Variants in PATJ observed in about 807,000 individuals in gnomAD.
PATJ encodes inaD-like protein.
Under a neutral mutation model 224.9 loss-of-function variants are expected in PATJ, and 190 were observed. The observed-to-expected ratio is 0.84, with a 90% CI of 0.75 to 0.95. The LOEUF is 0.95. Among genes scored for constraint, PATJ ranks in the 40% least tolerant of loss-of-function variants. The probability of loss-of-function intolerance (pLI) is 0.00; values close to 1 mark genes in which losing one functional copy is unlikely to be tolerated. For synonymous variants in PATJ, 769 were observed against 820.3 expected (o/e 0.94, Z 1.07); for missense variants, 2,121 against 2,270.3 (o/e 0.93, Z 1.34).
chr1:61,891,901 C>T (rs1194706104), intron 22 of PATJ, among the ~76,000 whole-genome samples: 2 of 152,206 alleles, frequency 1.3e-5, no homozygotes, highest in Non-Finnish European at 2.9e-5. Flanking sequence ...GTGTGTCTTG[C>T]ACCAGGCAAC....
At chr1:61,854,729 A>T (rs1663376936) in intron 17 of PATJ, among the ~76,000 whole-genome samples, 1 of 152,246 alleles carries the variant, frequency 6.6e-6, no homozygotes, top group Non-Finnish European at 1.5e-5. Flanking sequence ...TAAGGATTAG[A>T]TAAGTTAGTG....
chr1:61,766,126 G>T (rs1037899164), intron 3 of PATJ, among the ~76,000 whole-genome samples, 153 bp from the exon 4 acceptor site: 2 of 152,126 alleles, frequency 1.3e-5, no homozygotes, highest in Non-Finnish European at 2.9e-5. Context: ...TTTTAGCCTT[G>T]TGAATACACA....
intron 32 of PATJ, among the ~76,000 whole-genome samples, chr1:62,082,459 C>T (rs1314671484): frequency 6.6e-6 from 1 of 152,144 alleles, no homozygotes; most frequent in Non-Finnish European, 1.5e-5. Context: ...CTGTGCCACT[C>T]CAAAACCTGT....
chr1:61,743,984 AT>A (rs1017682780), intron 1 of PATJ, among the ~76,000 whole-genome samples: 3 of 152,162 alleles, frequency 2.0e-5, no homozygotes, highest in African/African-American at 7.2e-5. Context: ...AGAGTTGGCC[AT>A]TGTTGAAGAT....
intron 1 of PATJ, among the ~76,000 whole-genome samples, chr1:61,746,233 C>T (rs1438491632): frequency 1.3e-5 from 2 of 152,164 alleles, no homozygotes; most frequent in Non-Finnish European, 2.9e-5. Flanking sequence ...TGAGCCATCA[C>T]GCCTGGCCTC....
chr1:62,099,330 G>A (rs1439760256), intron 33 of PATJ, among the ~76,000 whole-genome samples: 1 of 81,142 alleles, frequency 1.2e-5, no homozygotes, highest in African/African-American at 5.2e-5. Context: ...CTATTTTTTT[G>A]TATACAATAT....
chr1:61,922,668 T>G (rs1674502742), intron 26 of PATJ, among the ~76,000 whole-genome samples: 1 of 152,216 alleles, frequency 6.6e-6, no homozygotes. Flanking sequence ...ACAAAAGCAC[T>G]GTTTAAACTT....
At chr1:62,055,187 C>A (rs997878117) in intron 31 of PATJ, among the ~76,000 whole-genome samples, 2 of 152,118 alleles carry the variant, frequency 1.3e-5, no homozygotes, top group Admixed American at 1.3e-4. Flanking sequence ...ATAGATGAGA[C>A]TTTATCTGCT....
At chr1:61,745,612 T>A (rs1005438580) in intron 1 of PATJ, among the ~76,000 whole-genome samples, 6 of 150,540 alleles carry the variant, frequency 4.0e-5, no homozygotes, top group East Asian at 2.0e-4. Flanking sequence ...TTAATTAATT[T>A]ATTTATTTGG....
intron 20 of PATJ, among the ~76,000 whole-genome samples, chr1:61,872,577 A>G (rs775221379): frequency 1.2e-4 from 18 of 152,230 alleles, no homozygotes; most frequent in African/African-American, 2.4e-4. Context: ...TAGAATTTCT[A>G]TATGTCTCCT....
chr1:61,764,215 T>C (rs1002184247), intron 3 of PATJ, among the ~76,000 whole-genome samples: 1 of 152,128 alleles, frequency 6.6e-6, no homozygotes, highest in African/African-American at 2.4e-5. Context: ...GTCACACTTC[T>C]CTTAATTATC....
intron 27 of PATJ, among the ~76,000 whole-genome samples, chr1:61,937,507 A>C (rs1384144272): frequency 6.6e-6 from 1 of 152,202 alleles, no homozygotes; most frequent in Non-Finnish European, 1.5e-5. Flanking sequence ...ATCCATCTGT[A>C]AATTTAAGGT....
At chr1:62,039,013 A>G in intron 30 of PATJ, 2 of 1,199,954 alleles carry the variant, frequency 1.7e-6, no homozygotes, top group South Asian at 1.2e-5. Context: ...CTCTGACCCC[A>G]CTGATACTCC....
chr1:62,085,290 T>G (rs1369371489), intron 33 of PATJ, among the ~76,000 whole-genome samples: 1 of 151,682 alleles, frequency 6.6e-6, no homozygotes, highest in Non-Finnish European at 1.5e-5. Context: ...AGGTCGAGGC[T>G]GTAGTGAACC....
intron 34 of PATJ, among the ~76,000 whole-genome samples, chr1:62,113,208 C>T (rs1570653818): frequency 6.6e-6 from 1 of 152,308 alleles, no homozygotes; most frequent in South Asian, 2.1e-4. Context: ...CTTTCTAATG[C>T]ATGGTCCTGT....
intron 21 of PATJ, among the ~76,000 whole-genome samples, chr1:61,881,568 C>G (rs141201954): frequency 3.3e-5 from 5 of 151,836 alleles, no homozygotes; most frequent in Non-Finnish European, 5.9e-5. Context: ...TGTGCCACCA[C>G]GCCTGGCTAA....
At chr1:62,157,853 AAAT>A (rs1444038489) in intron 43 of PATJ, among the ~76,000 whole-genome samples, 13,484 of 73,814 alleles carry the variant, frequency 0.18, 1,354 homozygotes, top group Non-Finnish European at 0.25. Context: ...AAAAAAAAAA[AAAT>A]AATCCAAGCC....
chr1:61,902,154 G>A (rs943471801), intron 24 of PATJ, among the ~76,000 whole-genome samples: 1 of 151,970 alleles, frequency 6.6e-6, no homozygotes. Flanking sequence ...CCTGGAGGTG[G>A]GGGTCTCAGT....
At chr1:61,914,542 C>T (rs768461901) in intron 25 of PATJ, 45 bp from the exon 26 acceptor site, 22 of 889,128 alleles carry the variant, frequency 2.5e-5, no homozygotes, top group South Asian at 4.6e-5. Context: ...ATGATTATGT[C>T]GTTTAAACGT....
Sources: allele counts gnomAD v4.1 joint callset (sites outside exome capture counted in the v4.1 genomes callset), GRCh38; gene constraint gnomAD v4.1.1; transcripts MANE v1.5; gene names NCBI Gene and HGNC (gene_info 2026-07-23, HGNC 2026-07-21).